Variants in TUBB8B observed in about 807,000 individuals in gnomAD.
TUBB8B encodes HSA18p11 beta-tubulin 4Q pseudogene.
In TUBB8B, 26 loss-of-function variants were observed where a neutral mutation model predicts 31.9. The observed-to-expected ratio is 0.81, with a 90% CI of 0.60 to 1.13. TUBB8B has a LOEUF of 1.13. Ranked by LOEUF, TUBB8B falls within the 50% of genes most tolerant of loss-of-function variation. The pLI is 0.00. For missense variants in TUBB8B, 467 were observed against 586.7 expected (o/e 0.80, Z 2.11); for synonymous variants, 173 against 231.0 (o/e 0.75, Z 2.28).
chr18:63,591 G>T, the TUBB8B span, among the ~76,000 whole-genome samples: 1 of 150,458 alleles, frequency 6.6e-6, no homozygotes, highest in South Asian at 2.1e-4. Context: ...CGACAACTTG[G>T]CTACCATATA....
the TUBB8B span, among the ~76,000 whole-genome samples, chr18:59,546 CTT>C: frequency 4.4e-5 from 6 of 136,806 alleles, no homozygotes; most frequent in Admixed American, 7.4e-5. Flanking sequence ...GTCCTTCATT[CTT>C]TTTTTTTTTT....
intron 1 of TUBB8B, 112 bp downstream of exon 1, chr18:49,389 C>A: frequency 1.2e-6 from 1 of 810,002 alleles, no homozygotes; most frequent in South Asian, 1.7e-5. Flanking sequence ...TCCACCGTCC[C>A]CGGCAGGGAG....
At chr18:48,681 T>C (rs1905866674) in intron 3 of TUBB8B, 2 of 661,602 alleles carry the variant, frequency 3.0e-6, no homozygotes, top group African/African-American at 1.8e-5. Context: ...AGGTGGCTCC[T>C]GCCCATTCTC....
rs1905647878 is a variant in TUBB8B, at chr18:47,413, A to G, written c.1312T>C (p.Tyr438His). 7.7e-6 allele frequency: 9 copies of G among 1,166,200 alleles called. No homozygotes were observed. The highest frequency in any genetic ancestry group is 1.1e-5 in the Non-Finnish European group (9 of 788,500). 72.2% of individuals were successfully genotyped at this position (1,166,200 alleles called of 1,614,324 possible). A position where few individuals can be genotyped will look rare whatever the true frequency, so the allele number is the denominator to read the frequency against. The change falls in exon 4 of 4, where the codon TAT (tyrosine) becomes CAT (histidine). Residue 438 changes from tyrosine to histidine, a missense_variant. By Grantham distance (83) the Tyr-to-His change is moderately conservative. Around this residue, in one of 2 missense-constraint regions of TUBB8B, gnomAD observed 208 missense variants for 206.7 expected, o/e 1.01. Transcript: ENST00000308911. ...ATAEEEEDEE[Y>H]AEEEVA is the part of the protein sequence containing the mutation. ...TTCTAGGCCACCTCCTCCTCGGCATACTCCTCATCCTCCTCCTCCTCGGCC... is the reference window on the plus strand; with the variant it reads ...TTCTAGGCCACCTCCTCCTCGGCATGCTCCTCATCCTCCTCCTCCTCGGCC...
chr18:72,196 A>AAAAAAACAAC, the TUBB8B span, among the ~76,000 whole-genome samples: 51 of 84,496 alleles, frequency 6.0e-4, no homozygotes, highest in African/African-American at 1.1e-3. Flanking sequence ...AAAAAAAAAA[A>AAAAAAACAAC]AAAGGAAAAA....
At chr18:64,616 T>C in the TUBB8B span, among the ~76,000 whole-genome samples, 1 of 151,908 alleles carries the variant, frequency 6.6e-6, no homozygotes, top group Non-Finnish European at 1.5e-5. Context: ...TCCCAGCTAC[T>C]TGGAAGGCTG....
At chr18:54,308 T>C (rs7236128), upstream of TUBB8B, among the ~76,000 whole-genome samples, 4,104 of 151,860 alleles carry the variant, frequency 0.027, 229 homozygotes, top group African/African-American at 0.094. Flanking sequence ...CATACTTTGA[T>C]ACAGGCATGT....
At chr18:61,199 A>G in the TUBB8B span, among the ~76,000 whole-genome samples, 9 of 151,618 alleles carry the variant, frequency 5.9e-5, no homozygotes, top group Non-Finnish European at 4.4e-5. Context: ...TTATTATATA[A>G]TGACCTTCTT....
chr18:48,201 ACCTTGGGC>A lies in TUBB8B; in HGVS notation c.516_523del (p.Pro173ValfsTer23). The stretch of plus-strand genomic sequence containing the variant: ...GTAGGGCTCCACCACGGTGTCCGAC[ACCTTGGGC>A]GAGGGCAGGATGCTGAATGTGTTTA... On this transcript the variant is annotated frameshift_variant, in exon 4 of 4. Transcript: ENST00000308911. LOFTEE classifies it high-confidence loss of function. The A allele has an allele frequency of 6.2e-7, 1 of 1,608,392 alleles. No homozygotes were observed. Among genetic ancestry groups the A allele is most frequent in the African/African-American group, 1.3e-5 (1 of 74,860 alleles).
chr18:49,598 G>A lies in TUBB8B; in HGVS notation c.-41C>T, dbSNP rs866179534. 11 of 771,364 alleles carry A rather than the reference G, an allele frequency of 1.4e-5. No individual in the cohort carries two copies. Among genetic ancestry groups the A allele is most frequent in the Non-Finnish European group, 2.5e-5 (11 of 448,688 alleles). The allele number at this position is 771,364 out of a possible 1,614,324, so 47.8% of individuals were successfully genotyped here. ...AGGGCGGCAGCAGAAGCGCGAGAAGGAGGAGCAGACGCGCAGCGACCCAGC... is the reference window on the plus strand; with the variant it reads ...AGGGCGGCAGCAGAAGCGCGAGAAGAAGGAGCAGACGCGCAGCGACCCAGC... On this transcript the variant is annotated 5_prime_UTR_variant, in exon 1 of 4. Coordinates refer to ENST00000308911, the MANE Select transcript of TUBB8B (RefSeq NM_001358689.2).
chr18:48,287 C>T lies in TUBB8B; in HGVS notation c.438G>A (p.Gly146=), dbSNP rs1260098201. ...THSLGGGTGS[G]MGTLLISKIR... ...TCTTACTAATGAGAAGGGTACCCATCCCAGACCCAGTCCCCCCACCCAGGG... is the reference window on the plus strand; with the variant it reads ...TCTTACTAATGAGAAGGGTACCCATTCCAGACCCAGTCCCCCCACCCAGGG... Residue 146 remains glycine (G), a synonymous_variant, in exon 4 of 4, where the codon GGG becomes GGA. Transcript: ENST00000308911. 4 of 1,612,416 alleles carry T rather than the reference C, an allele frequency of 2.5e-6. No individual in the cohort carries two copies. In the South Asian group the frequency reaches 3.3e-5, roughly 13 times the overall value.
chr18:63,434 G>T, the TUBB8B span, among the ~76,000 whole-genome samples: 4 of 151,482 alleles, frequency 2.6e-5, no homozygotes, highest in Non-Finnish European at 5.9e-5. Flanking sequence ...TTCTTTCTCT[G>T]AAACCAGCAG....
At chr18:71,448 G>C in the TUBB8B span, among the ~76,000 whole-genome samples, 9 of 151,618 alleles carry the variant, frequency 5.9e-5, no homozygotes, top group Non-Finnish European at 1.2e-4. Context: ...TCAGGAGGCT[G>C]AGGTAGGAGA....
At chr18:53,101 TA>T (rs923157141), upstream of TUBB8B, among the ~76,000 whole-genome samples, 3 of 151,788 alleles carry the variant, frequency 2.0e-5, no homozygotes, top group Non-Finnish European at 2.9e-5. Context: ...TTGTGGCCAG[TA>T]AAAAAATGTG....
At chr18:71,568 TTAAAAA>T in the TUBB8B span, among the ~76,000 whole-genome samples, 19,710 of 78,288 alleles carry the variant, frequency 0.25, 1,970 homozygotes, top group African/African-American at 0.35. Flanking sequence ...AAAAAAAAAT[TTAAAAA>T]AAAAAAAAAA....
chr18:47,714 G>A lies in TUBB8B; in HGVS notation c.1011C>T (p.Asn337=), dbSNP rs771293957. The change falls in exon 4 of 4, where the codon AAC becomes AAT. Residue 337 remains asparagine (N), a synonymous_variant. Coordinates refer to ENST00000308911, the MANE Select transcript of TUBB8B (RefSeq NM_001358689.2). ...GGAACCAGTCAGCAAAGTAGCTGCT[G>A]TTCTTATCTTGAATGTTGAACATTT... is the stretch of plus-strand genomic sequence containing the variant. The part of the protein sequence containing the change: ...DEQMFNIQDK[N]SSYFADWFPD... 3 of 1,611,446 alleles carry A rather than the reference G, an allele frequency of 1.9e-6. No individual in the cohort carries two copies. The highest frequency in any genetic ancestry group is 2.7e-5 in the African/African-American group (2 of 74,886).
In TUBB8B at chr18:47,637, A is replaced by G. The variant is rs1321330949; in HGVS notation, c.1088T>C (p.Met363Thr). The change falls in exon 4 of 4, where the codon ATG becomes ACG. Residue 363 changes from methionine (M) to threonine (T), a missense_variant. Around this residue, in one of 2 missense-constraint regions of TUBB8B, gnomAD observed 208 missense variants for 206.7 expected, o/e 1.01. Transcript: ENST00000308911. ...ATTATTCCCAATGAAGGTGGCTGAC[A>G]TTTTTAGCCCCCGGGGTGGGATGTC... ...VCDIPPRGLK[M>T]SATFIGNNAA... 1.2e-6 allele frequency: 2 copies of G among 1,612,680 alleles called. No homozygotes were observed. The highest frequency in any genetic ancestry group is 1.7e-6 in the Non-Finnish European group (2 of 1,179,408).
the TUBB8B span, among the ~76,000 whole-genome samples, chr18:61,096 G>T: frequency 1.3e-5 from 2 of 151,348 alleles, no homozygotes; most frequent in Non-Finnish European, 3.0e-5. Context: ...TCTTTCTTTA[G>T]CTCTTATAGT....
the TUBB8B span, among the ~76,000 whole-genome samples, chr18:57,948 G>C: frequency 2.0e-5 from 3 of 151,842 alleles, no homozygotes; most frequent in African/African-American, 7.2e-5. Context: ...TTGTAACTGG[G>C]CCAATTTGTG....
Sources: allele counts gnomAD v4.1 joint callset (sites outside exome capture counted in the v4.1 genomes callset), GRCh38; gene constraint gnomAD v4.1.1; regional missense constraint gnomAD v4.1.1; transcripts MANE v1.5; gene names NCBI Gene and HGNC (gene_info 2026-07-23, HGNC 2026-07-21).